Variants in DMD observed in about 807,000 individuals in gnomAD.
DMD encodes the protein mutant dystrophin.
Under a neutral mutation model 330.1 loss-of-function variants are expected in DMD, and 63 were observed. The ratio of observed to expected loss-of-function variants is 0.19; its 90% confidence interval spans 0.16 to 0.24. The LOEUF is 0.24. Among genes scored for constraint, DMD ranks in the 10% least tolerant of loss-of-function variants. The pLI, the probability that DMD is intolerant of heterozygous loss-of-function variation, is 1.00. For synonymous variants in DMD, 1,223 were observed against 959.8 expected (o/e 1.27, Z -5.07); for missense variants, 3,344 against 2,684.1 (o/e 1.25, Z -5.43).
At chrX:32,660,726 T>C (rs1602648621) in intron 9 of DMD, among the ~76,000 whole-genome samples, 1 of 111,507 alleles carries the variant, frequency 9.0e-6, no homozygotes, top group East Asian at 2.8e-4. Flanking sequence ...TCACAGCCAC[T>C]TGCCAACCTG....
intron 1 of DMD, among the ~76,000 whole-genome samples, chrX:33,193,572 CTA>C (rs911115832): frequency 1.4e-4 from 16 of 112,175 alleles, no homozygotes; most frequent in African/African-American, 4.8e-4. Flanking sequence ...ATTAGAAAGG[CTA>C]TGTTTTTGTT....
At chrX:31,247,600 CAAAAA>C (rs61281481) in intron 63 of DMD, among the ~76,000 whole-genome samples, 22 of 74,289 alleles carry the variant, frequency 3.0e-4, no homozygotes, top group African/African-American at 8.9e-4. Context: ...GACTGTGTCT[CAAAAA>C]AAAAAAAAAA....
At chrX:31,567,694 A>T (rs758960612) in intron 55 of DMD, among the ~76,000 whole-genome samples, 6 of 111,026 alleles carry the variant, frequency 5.4e-5, no homozygotes, top group Non-Finnish European at 9.5e-5. Context: ...CTAATGCTAT[A>T]CATTTTATTC....
intron 1 of DMD, among the ~76,000 whole-genome samples, chrX:33,268,081 C>G (rs779256306): frequency 5.5e-5 from 6 of 108,703 alleles, no homozygotes; most frequent in African/African-American, 1.7e-4. Context: ...CCTCTGCCTC[C>G]TGGGGTCAAA....
chrX:31,199,349 T>C (rs998381428), intron 67 of DMD, among the ~76,000 whole-genome samples: 12 of 112,573 alleles, frequency 1.1e-4, no homozygotes, highest in Non-Finnish European at 2.2e-4. Context: ...TGCAATATGC[T>C]ATTAATGTGG....
intron 5 of DMD, among the ~76,000 whole-genome samples, chrX:32,820,425 G>C (rs1173928501): frequency 1.8e-5 from 2 of 111,262 alleles, no homozygotes; most frequent in Non-Finnish European, 1.9e-5. Flanking sequence ...CTGGGTGACA[G>C]AGCGAGACTC....
At chrX:31,136,003 T>A (rs1301022308) in intron 76 of DMD, among the ~76,000 whole-genome samples, 2 of 111,122 alleles carry the variant, frequency 1.8e-5, no homozygotes, top group East Asian at 5.6e-4. Context: ...ATTCCTTTTT[T>A]TTTTTTTAAC....
chrX:32,612,190 C>A (rs775316361), intron 12 of DMD, among the ~76,000 whole-genome samples: 28 of 111,418 alleles, frequency 2.5e-4, no homozygotes, highest in African/African-American at 8.8e-4. Flanking sequence ...GGAGAATATA[C>A]CTTAGAAATG....
At chrX:32,351,929 C>CTTCT (rs2097782999) in intron 37 of DMD, among the ~76,000 whole-genome samples, 2 of 110,642 alleles carry the variant, frequency 1.8e-5, no homozygotes, top group African/African-American at 6.5e-5. Flanking sequence ...ATAATGGAAA[C>CTTCT]TTAGACTTCT....
intron 59 of DMD, among the ~76,000 whole-genome samples, chrX:31,466,901 T>C (rs769679372): frequency 9.0e-6 from 1 of 111,713 alleles, no homozygotes; most frequent in South Asian, 3.8e-4. Flanking sequence ...GTTGTATTCC[T>C]AGGTATTTTA....
chrX:33,199,084 G>GT (rs764855155), intron 1 of DMD, among the ~76,000 whole-genome samples: 1 of 111,196 alleles, frequency 9.0e-6, no homozygotes, highest in South Asian at 3.8e-4. Context: ...AATGTGTTTT[G>GT]TTTTGTTTTG....
At chrX:33,123,592 A>AT (rs1223713488) in intron 1 of DMD, among the ~76,000 whole-genome samples, 12 of 109,178 alleles carry the variant, frequency 1.1e-4, no homozygotes, top group African/African-American at 4.0e-4. Context: ...TAATTTTTGT[A>AT]TTTTTAGGAG....
intron 30 of DMD, among the ~76,000 whole-genome samples, chrX:32,399,011 G>A (rs908481290): frequency 8.9e-6 from 1 of 111,779 alleles, no homozygotes; most frequent in Non-Finnish European, 1.9e-5. Context: ...TCAATAAATG[G>A]TGCTGGGAAA....
At chrX:31,254,319 T>A (rs2049701059) in intron 63 of DMD, among the ~76,000 whole-genome samples, 1 of 102,021 alleles carries the variant, frequency 9.8e-6, no homozygotes, top group South Asian at 4.4e-4. Context: ...CATATTTTAT[T>A]GTATTTATAA....
chrX:33,174,731 T>C (rs1180286463), intron 1 of DMD, among the ~76,000 whole-genome samples: 1 of 111,402 alleles, frequency 9.0e-6, no homozygotes, highest in Non-Finnish European at 1.9e-5. Context: ...AAGAAGGAAA[T>C]AGATGAACAT....
intron 60 of DMD, among the ~76,000 whole-genome samples, chrX:31,407,253 C>G (rs922028157): frequency 1.8e-5 from 2 of 110,995 alleles, no homozygotes; most frequent in Non-Finnish European, 3.8e-5. Flanking sequence ...CAACCTCTGC[C>G]TCCTGGGTTC....
At chrX:32,300,683 T>C (rs1192743378) in intron 42 of DMD, among the ~76,000 whole-genome samples, 1 of 111,398 alleles carries the variant, frequency 9.0e-6, no homozygotes, top group Non-Finnish European at 1.9e-5. Context: ...AAGGGGGTTT[T>C]ATAGAAGTAA....
At chrX:32,435,638 T>C (rs903850911) in intron 29 of DMD, among the ~76,000 whole-genome samples, 1 of 110,662 alleles carries the variant, frequency 9.0e-6, no homozygotes, top group African/African-American at 3.3e-5. Flanking sequence ...GCTGACATGA[T>C]ATTAAGTTCT....
intron 13 of DMD, among the ~76,000 whole-genome samples, chrX:32,574,672 G>A (rs994648724): frequency 2.8e-4 from 31 of 110,519 alleles, no homozygotes; most frequent in Non-Finnish European, 1.1e-4. Context: ...TATATATATT[G>A]GACCTTTAAA....
Sources: gnomAD v4.1 joint callset for allele counts (sites outside exome capture counted in the v4.1 genomes callset) on GRCh38, gnomAD v4.1.1 for gene constraint, MANE v1.5 for transcripts, NCBI Gene and HGNC (gene_info 2026-07-23, HGNC 2026-07-21) for gene names.